Variants in FAF1 observed in about 807,000 individuals in gnomAD.
The protein encoded by FAF1 is FAS-associated factor 1.
FAF1 carries 25 observed loss-of-function variants against 92.5 expected under a neutral mutation model. That is an observed-to-expected ratio of 0.27 (90% confidence interval 0.20 to 0.38). The LOEUF (loss-of-function observed/expected upper bound fraction) is 0.38, where lower values mean the gene tolerates loss of function less well. Ranked by LOEUF, FAF1 falls within the 10% of genes least tolerant of loss-of-function variation. The pLI, the probability that FAF1 is intolerant of heterozygous loss-of-function variation, is 1.00. For missense variants in FAF1, 636 were observed against 793.3 expected (o/e 0.80, Z 2.38); for synonymous variants, 234 against 273.2 (o/e 0.86, Z 1.42).
chr1:50,715,827 A>G lies in FAF1; in HGVS notation c.552-9936T>C, dbSNP rs112597061. On this transcript the variant is annotated intron_variant, in intron 6 of 18. Coordinates refer to ENST00000396153, the MANE Select transcript of FAF1 (RefSeq NM_007051.3). The stretch of plus-strand genomic sequence containing the variant: ...CCCCTCCACATTTTTTAAAAAGGGG[A>G]AAATTAGGTATAGCAAATTTTAAAA... 2.3e-3 allele frequency among the ~76,000 whole-genome samples: 346 copies of G among 152,294 alleles called. 3 individuals carry two copies. Among genetic ancestry groups the G allele is most frequent in the South Asian group, 0.015 (70 of 4,822 alleles).
At chr1:50,597,582 ATAC>A (rs761668006) in intron 8 of FAF1, among the ~76,000 whole-genome samples, 2 of 152,186 alleles carry the variant, frequency 1.3e-5, no homozygotes, top group Non-Finnish European at 1.5e-5. Flanking sequence ...TTTGACAATT[ATAC>A]TACATCAACA....
At chr1:50,912,416 G>A (rs1443878181) in intron 1 of FAF1, among the ~76,000 whole-genome samples, 3 of 152,196 alleles carry the variant, frequency 2.0e-5, no homozygotes, top group South Asian at 2.1e-4. Flanking sequence ...TGAGAAGCAC[G>A]AGTATAGTGG....
At chr1:50,724,304 C>CACACACATACACACACACACACACAT (rs769148146) in intron 6 of FAF1, among the ~76,000 whole-genome samples, 1 of 138,440 alleles carries the variant, frequency 7.2e-6, no homozygotes, top group African/African-American at 2.8e-5. Flanking sequence ...CATACACACA[C>CACACACATACACACACACACACACAT]ACACACACAC....
In FAF1 at chr1:50,920,533, A is replaced by C. The variant is rs904199667; in HGVS notation, c.45+39234T>G. ...CATAGATGCAAAAATCCTTAACAAA[A>C]TATTAGCAAATCAAATCCAGGATTA... On this transcript the variant is annotated intron_variant, in intron 1 of 18. Coordinates refer to ENST00000396153, the MANE Select transcript of FAF1 (RefSeq NM_007051.3). Among the ~76,000 whole-genome samples the C allele has an allele frequency of 1.3e-4, 20 of 152,292 alleles. No homozygotes were observed. The East Asian group carries it at 3.7e-3, about 28-fold the overall frequency.
chr1:50,758,285 C>A lies in FAF1; in HGVS notation c.368-13510G>T, dbSNP rs911443860. Among the ~76,000 whole-genome samples, 14 of 152,254 alleles carry A rather than the reference C, an allele frequency of 9.2e-5. No homozygotes were observed. The East Asian group carries it at 2.3e-3, about 25-fold the overall frequency. On this transcript the variant is annotated intron_variant, in intron 4 of 18. Coordinates refer to ENST00000396153, the MANE Select transcript of FAF1 (RefSeq NM_007051.3). ...GCAAGGATGGTCTCAAACTCCTGAC[C>A]TCAAGTGATCCACCTGCCTCGGCCT... is the stretch of plus-strand genomic sequence containing the variant.
intron 7 of FAF1, among the ~76,000 whole-genome samples, chr1:50,677,993 G>T (rs72900956): frequency 0.067 from 10,144 of 151,100 alleles, 414 homozygotes; most frequent in East Asian, 0.091. Flanking sequence ...GGTGAGTTTT[G>T]TGAGATATGT....
intron 8 of FAF1, among the ~76,000 whole-genome samples, chr1:50,609,821 T>C (rs1337026557): frequency 6.6e-6 from 1 of 151,590 alleles, no homozygotes; most frequent in South Asian, 2.1e-4. Context: ...AGTCATTAGA[T>C]TGCCCAAAAT....
chr1:50,646,866 G>C (rs760736640), intron 8 of FAF1, among the ~76,000 whole-genome samples: 4 of 152,124 alleles, frequency 2.6e-5, no homozygotes, highest in Non-Finnish European at 5.9e-5. Context: ...TTTCTTTTGA[G>C]ACATAGTCTC....
chr1:50,650,471 T>C (rs2124278477), intron 8 of FAF1, among the ~76,000 whole-genome samples: 1 of 151,428 alleles, frequency 6.6e-6, no homozygotes, highest in African/African-American at 2.4e-5. Flanking sequence ...AATACAAAAA[T>C]GAGCTGGGCA....
intron 2 of FAF1, among the ~76,000 whole-genome samples, chr1:50,824,934 G>A (rs752122819): frequency 1.3e-5 from 2 of 152,054 alleles, no homozygotes; most frequent in Non-Finnish European, 2.9e-5. Flanking sequence ...TGATGGGAGG[G>A]ATAGGGGAGG....
intron 8 of FAF1, among the ~76,000 whole-genome samples, chr1:50,610,406 T>C (rs1652634942): frequency 6.6e-6 from 1 of 152,230 alleles, no homozygotes; most frequent in South Asian, 2.1e-4. Flanking sequence ...AAGTTTTCTG[T>C]TATTAAAACT....
chr1:50,533,465 A>G (rs1459327437), intron 15 of FAF1, among the ~76,000 whole-genome samples: 1 of 152,182 alleles, frequency 6.6e-6, no homozygotes, highest in Non-Finnish European at 1.5e-5. Context: ...TGCTTAACAA[A>G]CATTTACTAA....
In FAF1 at chr1:50,451,800, TATTCAGC is replaced by T. The variant is rs944491184; in HGVS notation, c.1870-10284_1870-10278del. The stretch of plus-strand genomic sequence containing the variant: ...TGAGTGGAAAGAACTTACCCAAGTT[TATTCAGC>T]ATTCATGGCAAATCTGGATTCTTCA... On this transcript the variant is annotated intron_variant, in intron 18 of 18. Transcript: ENST00000396153. 3.0e-6 allele frequency: 3 copies of T among 985,936 alleles called. No individual in the cohort carries two copies. In the African/African-American group the frequency reaches 5.2e-5, roughly 17 times the overall value. The allele number at this position is 985,936 out of a possible 1,614,324, so 61.1% of individuals were successfully genotyped here. A position where few individuals can be genotyped will look rare whatever the true frequency, so the allele number is the denominator to read the frequency against.
chr1:50,550,640 C>T (rs114941695), intron 13 of FAF1, among the ~76,000 whole-genome samples: 1 of 152,278 alleles, frequency 6.6e-6, no homozygotes, highest in African/African-American at 2.4e-5. Flanking sequence ...TTAAGGACCA[C>T]ATCACCTAAA....
chr1:50,951,430 A>T (rs373929599), intron 1 of FAF1, among the ~76,000 whole-genome samples: 5 of 152,210 alleles, frequency 3.3e-5, no homozygotes, highest in Admixed American at 3.3e-4. Flanking sequence ...AACACTTTCT[A>T]TGTCAGACAC....
chr1:50,525,472 G>C (rs777024991), intron 15 of FAF1, among the ~76,000 whole-genome samples: 15 of 152,052 alleles, frequency 9.9e-5, no homozygotes, highest in Non-Finnish European at 1.8e-4. Context: ...GAATCTCTAG[G>C]GTTTTCTCAT....
chr1:50,621,037 C>G (rs1469141290), intron 8 of FAF1, among the ~76,000 whole-genome samples: 1 of 152,246 alleles, frequency 6.6e-6, no homozygotes, highest in Non-Finnish European at 1.5e-5. Flanking sequence ...GGAGGCACAC[C>G]CTGCTCCTAC....
intron 18 of FAF1, among the ~76,000 whole-genome samples, chr1:50,465,288 C>G (rs1221980497): frequency 1.3e-5 from 2 of 152,134 alleles, no homozygotes; most frequent in Admixed American, 6.5e-5. Flanking sequence ...GATTTCTTAA[C>G]TGTAAAGTAA....
chr1:50,507,529 CAGG>C (rs1647073672), intron 15 of FAF1, among the ~76,000 whole-genome samples: 1 of 151,950 alleles, frequency 6.6e-6, no homozygotes, highest in South Asian at 2.1e-4. Context: ...TCCTTGAGGC[CAGG>C]AGTTCAAGAT....
Sources: gnomAD v4.1 joint callset for allele counts (sites outside exome capture counted in the v4.1 genomes callset) on GRCh38, gnomAD v4.1.1 for gene constraint, MANE v1.5 for transcripts, NCBI Gene and HGNC (gene_info 2026-07-23, HGNC 2026-07-21) for gene names.